The following GHR variants were observed in gnomAD, a reference collection of about 807,000 sequenced individuals.
The protein encoded by GHR is GH receptor.
Under a neutral mutation model 67.1 loss-of-function variants are expected in GHR, and 35 were observed. That is an observed-to-expected ratio of 0.52 (90% CI 0.40 to 0.69). The LOEUF is 0.69. GHR is among the 30% of genes least tolerant of loss of function. The pLI is 0.00. For missense variants in GHR, 792 were observed against 764.6 expected (o/e 1.04, Z -0.42); for synonymous variants, 272 against 269.1 (o/e 1.01, Z -0.10).
At chr5:42,605,653 G>A (rs1190714796) in intron 2 of GHR, among the ~76,000 whole-genome samples, 1 of 152,214 alleles carries the variant, frequency 6.6e-6, no homozygotes, top group Non-Finnish European at 1.5e-5. Context: ...CCAAATGCTT[G>A]TGCTCTATTT....
intron 1 of GHR, among the ~76,000 whole-genome samples, chr5:42,476,870 T>C (rs1410802898): frequency 6.6e-6 from 1 of 152,158 alleles, no homozygotes; most frequent in Non-Finnish European, 1.5e-5. Context: ...TGATTCTTTT[T>C]CTTTTTTTAA....
intron 1 of GHR, among the ~76,000 whole-genome samples, chr5:42,497,246 G>A (rs1371265555): frequency 6.6e-6 from 1 of 152,142 alleles, no homozygotes. Flanking sequence ...AAATATGGTT[G>A]CATTCTTTGA....
intron 2 of GHR, among the ~76,000 whole-genome samples, chr5:42,587,610 G>A (rs1288276632): frequency 6.6e-6 from 1 of 151,866 alleles, no homozygotes; most frequent in Non-Finnish European, 1.5e-5. Flanking sequence ...ACTGGCAAAG[G>A]TTTTGCTCCC....
rs186663853 is a variant in GHR, at chr5:42,467,351, G to C, written c.-12+43396G>C. The C allele has an allele frequency of 2.1e-5, 21 of 1,017,484 alleles. No homozygotes were observed. The African/African-American group carries it at 2.8e-4, about 14-fold the overall frequency. 63.0% of individuals were successfully genotyped at this position (1,017,484 alleles called of 1,614,324 possible). On this transcript the variant is annotated intron_variant, in intron 1 of 9. Coordinates refer to ENST00000230882, the MANE Select transcript of GHR (RefSeq NM_000163.5). ...TGATGTACAATAAGATTTGCAATCT[G>C]CGTAAAGGCTTTGCCAGAATCGTTA... is the stretch of plus-strand genomic sequence containing the variant.
At chr5:42,711,799 G>C (rs1393836069) in intron 7 of GHR, among the ~76,000 whole-genome samples, 1 of 152,232 alleles carries the variant, frequency 6.6e-6, no homozygotes, top group East Asian at 1.9e-4. Context: ...CATCTAAGAG[G>C]AAACCCAATA....
At chr5:42,606,781 A>G (rs1375531846) in intron 2 of GHR, among the ~76,000 whole-genome samples, 1 of 152,062 alleles carries the variant, frequency 6.6e-6, no homozygotes, top group East Asian at 1.9e-4. Context: ...AGTGCAATAA[A>G]ACCCCTACCA....
intron 1 of GHR, among the ~76,000 whole-genome samples, chr5:42,556,858 A>G (rs946301145): frequency 2.0e-5 from 3 of 152,182 alleles, no homozygotes; most frequent in East Asian, 1.9e-4. Context: ...GTGCATACCA[A>G]TATCGGAGTA....
intron 8 of GHR, among the ~76,000 whole-genome samples, chr5:42,716,168 T>A (rs1209334002): frequency 1.4e-5 from 2 of 147,256 alleles, no homozygotes; most frequent in Admixed American, 6.8e-5. Context: ...AGATGCAGAA[T>A]CAAAAAAAAA....
chr5:42,652,773 A>G lies in GHR; in HGVS notation c.136+23670A>G, dbSNP rs114283680. 4.6e-3 allele frequency among the ~76,000 whole-genome samples: 706 copies of G among 152,260 alleles called. 6 individuals are homozygous for G. The highest frequency in any genetic ancestry group is 0.016 in the African/African-American group (677 of 41,560). On this transcript the variant is annotated intron_variant, in intron 3 of 9. Coordinates refer to ENST00000230882, the MANE Select transcript of GHR (RefSeq NM_000163.5). ...TTATCCCTCTTTAACAGATAAAGAG[A>G]CTGAGGCACAAGGAAGAGAAGTGAC...
At chr5:42,448,021 C>A (rs2972404) in intron 1 of GHR, among the ~76,000 whole-genome samples, 3 of 151,892 alleles carry the variant, frequency 2.0e-5, no homozygotes, top group Admixed American at 6.6e-5. Flanking sequence ...CTCAGTCTCC[C>A]AAAGTGTTGG....
At chr5:42,562,578 T>C (rs1358333550) in intron 1 of GHR, among the ~76,000 whole-genome samples, 5 of 152,026 alleles carry the variant, frequency 3.3e-5, no homozygotes, top group African/African-American at 4.8e-5. Flanking sequence ...TTCTTGTTTG[T>C]TTTTTGTTTT....
At chr5:42,430,887 G>A (rs995169877) in intron 1 of GHR, among the ~76,000 whole-genome samples, 2 of 152,058 alleles carry the variant, frequency 1.3e-5, no homozygotes, top group Admixed American at 6.6e-5. Flanking sequence ...TATAAGAAAC[G>A]TCTAAGTTAG....
At chr5:42,691,544 GA>G (rs1189059868) in intron 4 of GHR, among the ~76,000 whole-genome samples, 1 of 152,180 alleles carries the variant, frequency 6.6e-6, no homozygotes, top group Non-Finnish European at 1.5e-5. Context: ...GGCAACTCCT[GA>G]AACTATAGAA....
chr5:42,693,496 G>A (rs1340007047), intron 4 of GHR, among the ~76,000 whole-genome samples: 4 of 152,062 alleles, frequency 2.6e-5, no homozygotes, highest in Non-Finnish European at 1.5e-5. Context: ...CTCAGACCCT[G>A]GAGTCTCTGC....
At chr5:42,478,365 A>G (rs1220577128) in intron 1 of GHR, among the ~76,000 whole-genome samples, 2 of 152,146 alleles carry the variant, frequency 1.3e-5, no homozygotes, top group Non-Finnish European at 2.9e-5. Flanking sequence ...TTAGCGATGC[A>G]GGCTCTTTTT....
chr5:42,486,610 G>T (rs1171954911), intron 1 of GHR, among the ~76,000 whole-genome samples: 1 of 152,214 alleles, frequency 6.6e-6, no homozygotes, highest in Non-Finnish European at 1.5e-5. Flanking sequence ...CACTTTGGGA[G>T]TCCGAGGCAG....
At chr5:42,592,372 A>G (rs1183796814) in intron 2 of GHR, among the ~76,000 whole-genome samples, 1 of 152,090 alleles carries the variant, frequency 6.6e-6, no homozygotes, top group African/African-American at 2.4e-5. Context: ...CAGGTAATAA[A>G]CATGGTTTCC....
intron 1 of GHR, among the ~76,000 whole-genome samples, chr5:42,540,058 G>T (rs766221151): frequency 5.3e-5 from 8 of 152,018 alleles, no homozygotes; most frequent in African/African-American, 1.2e-4. Flanking sequence ...CTGCACATTC[G>T]AATAATCATT....
intron 1 of GHR, among the ~76,000 whole-genome samples, chr5:42,524,725 T>C: frequency 6.6e-6 from 1 of 152,092 alleles, no homozygotes; most frequent in East Asian, 1.9e-4. Flanking sequence ...GAAAAATTGT[T>C]TTTCTGGGCC....
Sources: gnomAD v4.1 joint callset for allele counts (sites outside exome capture counted in the v4.1 genomes callset) on GRCh38, gnomAD v4.1.1 for gene constraint, MANE v1.5 for transcripts, NCBI Gene and HGNC (gene_info 2026-07-23, HGNC 2026-07-21) for gene names.